The following CEP128 variants were observed in gnomAD, a reference collection of about 807,000 sequenced individuals.
The protein encoded by CEP128 is centrosomal protein 128, also known as centrosomal protein 128kDa.
Under a neutral mutation model 156.7 loss-of-function variants are expected in CEP128, and 132 were observed. The observed-to-expected ratio is 0.84, with a 90% CI of 0.73 to 0.97. The LOEUF is 0.97. Among genes scored for constraint, CEP128 ranks in the 50% least tolerant of loss-of-function variants. CEP128 has a pLI of 0.00. For synonymous variants in CEP128, 469 were observed against 448.9 expected, an observed-to-expected ratio of 1.04 and a Z score of -0.57; for missense variants, 1,252 against 1,281.9, an observed-to-expected ratio of 0.98 and a Z score of 0.36.
chr14:80,821,749 C>T lies in CEP128; in HGVS notation c.1209+9394G>A, dbSNP rs562443549. On this transcript the variant is annotated intron_variant, in intron 13 of 24. Transcript: ENST00000555265. Reference sequence around the variant, plus strand: ...GGAGTGAAGTGGTGTGAACATGGCTCACTGCAGCCTCGGCCTCCCAGACTC... The same window carrying T: ...GGAGTGAAGTGGTGTGAACATGGCTTACTGCAGCCTCGGCCTCCCAGACTC... Among the ~76,000 whole-genome samples, 5 of 151,932 alleles carry T rather than the reference C, an allele frequency of 3.3e-5. No individual in the cohort carries two copies. In the East Asian group the frequency reaches 7.8e-4, roughly 24 times the overall value.
intron 2 of CEP128, among the ~76,000 whole-genome samples, chr14:80,920,314 C>T (rs1884788130): frequency 6.6e-6 from 1 of 152,116 alleles, no homozygotes; most frequent in Admixed American, 6.5e-5. Flanking sequence ...GAGAGAGAAA[C>T]AGATGAGAAT....
chr14:80,625,383 A>T (rs1480794258), intron 19 of CEP128, among the ~76,000 whole-genome samples: 4 of 152,154 alleles, frequency 2.6e-5, no homozygotes, highest in African/African-American at 4.8e-5. Context: ...AGGGAGTGTT[A>T]TGCCTCGAGC....
intron 18 of CEP128, among the ~76,000 whole-genome samples, chr14:80,746,435 T>A (rs188366444): frequency 1.6e-4 from 24 of 152,222 alleles, no homozygotes; most frequent in Admixed American, 1.4e-3. Context: ...AATAAACCCA[T>A]ATATAAATGT....
At chr14:80,740,494 CTAGA>C (rs200610505) in intron 19 of CEP128, among the ~76,000 whole-genome samples, 30,119 of 140,588 alleles carry the variant, frequency 0.21, 3,215 homozygotes, top group African/African-American at 0.23. Flanking sequence ...ATATTTATAT[CTAGA>C]TAGATAGATA....
At chr14:80,902,750 A>T (rs1883649693) in intron 6 of CEP128, among the ~76,000 whole-genome samples, 1 of 152,226 alleles carries the variant, frequency 6.6e-6, no homozygotes, top group Admixed American at 6.5e-5. Flanking sequence ...TCAGAAAAAA[A>T]CACTAATGGT....
intron 2 of CEP128, among the ~76,000 whole-genome samples, chr14:80,923,885 C>T (rs1296683331): frequency 6.6e-6 from 1 of 152,100 alleles, no homozygotes; most frequent in Non-Finnish European, 1.5e-5. Flanking sequence ...GCAGTTTCCT[C>T]CATGCTGTTC....
intron 8 of CEP128, among the ~76,000 whole-genome samples, chr14:80,881,710 A>C (rs1336425458): frequency 6.6e-6 from 1 of 152,202 alleles, no homozygotes; most frequent in Non-Finnish European, 1.5e-5. Context: ...TAACACATTG[A>C]AAAAAGGTCA....
In CEP128 at chr14:80,831,269, C is replaced by G; in HGVS notation, c.1083G>C (p.Leu361=). Residue 361 remains leucine, a synonymous_variant, in exon 13 of 25, where the codon CTG becomes CTC. Coordinates refer to ENST00000555265, the MANE Select transcript of CEP128 (RefSeq NM_152446.5). ...CTCTCAAATCTGACATTTGCTTCTC[C>G]AGGTCCTGTTTTTCCCGCTCAACCC... The part of the protein sequence containing the change: ...RRGVEREKQD[L]EKQMSDLRVQ... 6.2e-7 allele frequency: 1 copy of G among 1,613,978 alleles called. No individual in the cohort carries two copies. Among genetic ancestry groups the G allele is most frequent in the South Asian group, 1.1e-5 (1 of 91,070 alleles).
At chr14:80,541,435 G>T (rs1594972353) in intron 21 of CEP128, among the ~76,000 whole-genome samples, 1 of 104,278 alleles carries the variant, frequency 9.6e-6, no homozygotes, top group African/African-American at 4.1e-5. Context: ...TGAAGCTAAT[G>T]ACTGTGTTAA....
chr14:80,481,699 C>T (rs1261078234), intron 14 of CEP128, among the ~76,000 whole-genome samples: 3 of 152,162 alleles, frequency 2.0e-5, no homozygotes, highest in Non-Finnish European at 2.9e-5. Flanking sequence ...TGTCACATGG[C>T]AAACAGTGAC....
intron 13 of CEP128, among the ~76,000 whole-genome samples, chr14:80,814,358 C>T (rs1218362567): frequency 6.6e-6 from 1 of 151,682 alleles, no homozygotes; most frequent in Non-Finnish European, 1.5e-5. Flanking sequence ...TCATTTTGTC[C>T]CCTTATTATT....
At chr14:80,620,120 C>A (rs780301320) in intron 19 of CEP128, among the ~76,000 whole-genome samples, 1 of 151,828 alleles carries the variant, frequency 6.6e-6, no homozygotes, top group East Asian at 1.9e-4. Flanking sequence ...AGCAAAACTC[C>A]GTCTTAAAAA....
At chr14:80,772,992 T>G (rs1327065859) in intron 16 of CEP128, among the ~76,000 whole-genome samples, 1 of 152,212 alleles carries the variant, frequency 6.6e-6, no homozygotes, top group Non-Finnish European at 1.5e-5. Context: ...AGACAGCATC[T>G]TTTGTAACAG....
chr14:80,513,716 T>C (rs573129319), intron 23 of CEP128, among the ~76,000 whole-genome samples: 2 of 152,304 alleles, frequency 1.3e-5, no homozygotes, highest in East Asian at 3.9e-4. Context: ...TCAGATGGGT[T>C]TTATTTAATT....
At chr14:80,798,947 A>G (rs1883660182) in intron 13 of CEP128, among the ~76,000 whole-genome samples, 1 of 152,230 alleles carries the variant, frequency 6.6e-6, no homozygotes, top group African/African-American at 2.4e-5. Flanking sequence ...CAGGATAAAC[A>G]ATGCATATTT....
At chr14:80,502,533 T>C (rs1016673281) in intron 24 of CEP128, among the ~76,000 whole-genome samples, 4 of 152,212 alleles carry the variant, frequency 2.6e-5, no homozygotes, top group African/African-American at 9.6e-5. Flanking sequence ...TTTCTTCTCC[T>C]TTCTTTGTGG....
intron 19 of CEP128, among the ~76,000 whole-genome samples, chr14:80,736,282 T>C (rs184160637): frequency 4.4e-4 from 67 of 151,128 alleles, no homozygotes; most frequent in African/African-American, 1.6e-3. Flanking sequence ...ACAGCAAATA[T>C]ATGCTTTGAA....
intron 8 of CEP128, among the ~76,000 whole-genome samples, chr14:80,872,958 T>C (rs1334841925): frequency 6.6e-6 from 1 of 152,170 alleles, no homozygotes; most frequent in Non-Finnish European, 1.5e-5. Flanking sequence ...TACACACCCA[T>C]AAGAAATTTG....
At chr14:80,652,260 T>C (rs1894940204) in intron 19 of CEP128, among the ~76,000 whole-genome samples, 1 of 152,004 alleles carries the variant, frequency 6.6e-6, no homozygotes, top group Non-Finnish European at 1.5e-5. Flanking sequence ...ACCTAGGCAA[T>C]ACCATTCAGG....
Sources: allele counts gnomAD v4.1 joint callset (sites outside exome capture counted in the v4.1 genomes callset), GRCh38; gene constraint gnomAD v4.1.1; transcripts MANE v1.5; gene names NCBI Gene and HGNC (gene_info 2026-07-23, HGNC 2026-07-21).